ADGRL3: variants seen among roughly 807,000 people sequenced by gnomAD.
The protein encoded by ADGRL3 is adhesion G protein-coupled receptor L3.
ADGRL3 carries 62 observed loss-of-function variants against 153.5 expected under a neutral mutation model. The observed-to-expected ratio is 0.40, with a 90% confidence interval of 0.33 to 0.50. The LOEUF is 0.50. ADGRL3 is among the 20% of genes least tolerant of loss of function. The pLI, the probability that ADGRL3 is intolerant of heterozygous loss-of-function variation, is 0.47. For missense variants in ADGRL3, 1,641 were observed against 1,859.4 expected (o/e 0.88, Z 2.16); for synonymous variants, 710 against 672.5 (o/e 1.06, Z -0.86).
chr4:61,582,420 T>C (rs533126290), intron 4 of ADGRL3, among the ~76,000 whole-genome samples: 7 of 152,126 alleles, frequency 4.6e-5, no homozygotes, highest in African/African-American at 1.4e-4. Context: ...CTCCCACTTA[T>C]AAGTGAAAAC....
intron 8 of ADGRL3, among the ~76,000 whole-genome samples, chr4:61,781,273 C>A (rs996793042): frequency 2.0e-5 from 3 of 149,098 alleles, no homozygotes; most frequent in African/African-American, 7.6e-5. Context: ...TTGCAGTGAG[C>A]CGAGATCGTG....
chr4:62,049,185 T>A (rs968491059), intron 25 of ADGRL3, among the ~76,000 whole-genome samples: 4 of 152,134 alleles, frequency 2.6e-5, no homozygotes, highest in Admixed American at 1.3e-4. Context: ...CTCTTACCAA[T>A]ATGGATCTTT....
intron 2 of ADGRL3, among the ~76,000 whole-genome samples, chr4:61,471,702 TC>T (rs1032135183): frequency 6.6e-6 from 1 of 152,012 alleles, no homozygotes; most frequent in Non-Finnish European, 1.5e-5. Flanking sequence ...ATTTCTATTT[TC>T]TCAGTTTCTG....
intron 25 of ADGRL3, among the ~76,000 whole-genome samples, chr4:62,052,566 T>C (rs1734795084): frequency 6.6e-6 from 1 of 151,540 alleles, no homozygotes; most frequent in Non-Finnish European, 1.5e-5. Flanking sequence ...AATTATTATA[T>C]ATTATTGTCC....
intron 4 of ADGRL3, among the ~76,000 whole-genome samples, chr4:61,530,301 T>C (rs754199303): frequency 4.0e-5 from 6 of 151,890 alleles, no homozygotes; most frequent in Non-Finnish European, 7.4e-5. Flanking sequence ...TGTCAAGAGG[T>C]ACAACTATAT....
chr4:61,340,780 T>A (rs2095791913), intron 1 of ADGRL3, among the ~76,000 whole-genome samples: 1 of 151,756 alleles, frequency 6.6e-6, no homozygotes, highest in Admixed American at 6.6e-5. Flanking sequence ...GCCAATGGAT[T>A]TTGATCTAGG....
At chr4:61,375,223 A>G (rs1358111608) in intron 1 of ADGRL3, among the ~76,000 whole-genome samples, 1 of 152,062 alleles carries the variant, frequency 6.6e-6, no homozygotes, top group African/African-American at 2.4e-5. Context: ...TTCTTAGGCT[A>G]TTTTTCCTTG....
intron 1 of ADGRL3, among the ~76,000 whole-genome samples, chr4:61,369,832 G>C (rs1270607602): frequency 6.6e-6 from 1 of 152,080 alleles, no homozygotes; most frequent in Admixed American, 6.5e-5. Context: ...ACCTCTGGTA[G>C]AATTCGGCTG....
chr4:61,688,923 C>G (rs2095493125), intron 6 of ADGRL3, among the ~76,000 whole-genome samples: 1 of 152,100 alleles, frequency 6.6e-6, no homozygotes. Flanking sequence ...CAGGTGATAG[C>G]TAAAATACAT....
chr4:61,853,758 A>G (rs1300914789), intron 9 of ADGRL3, among the ~76,000 whole-genome samples: 1 of 152,200 alleles, frequency 6.6e-6, no homozygotes, highest in Non-Finnish European at 1.5e-5. Flanking sequence ...GGTTCCTAAT[A>G]TTCGAGATTT....
intron 4 of ADGRL3, among the ~76,000 whole-genome samples, chr4:61,560,887 T>G (rs1027349274): frequency 6.6e-6 from 1 of 152,140 alleles, no homozygotes; most frequent in South Asian, 2.1e-4. Context: ...ATTCTCTGAT[T>G]TGTTTAAGGT....
chr4:61,474,899 G>A (rs560777716), intron 2 of ADGRL3, among the ~76,000 whole-genome samples: 1 of 151,900 alleles, frequency 6.6e-6, no homozygotes, highest in Non-Finnish European at 1.5e-5. Flanking sequence ...TGAAGTTGCC[G>A]GTTAAATTAA....
intron 9 of ADGRL3, among the ~76,000 whole-genome samples, chr4:61,839,784 C>A (rs532771936): frequency 1.3e-5 from 2 of 148,494 alleles, no homozygotes; most frequent in Non-Finnish European, 1.5e-5. Context: ...CCCCTCCCCC[C>A]GAAAAAAAAA....
chr4:61,671,439 G>A (rs1301523590), intron 5 of ADGRL3, among the ~76,000 whole-genome samples: 1 of 152,122 alleles, frequency 6.6e-6, no homozygotes, highest in Admixed American at 6.5e-5. Context: ...ATAGCTAATA[G>A]AACTCAACAA....
chr4:61,419,796 ATT>A (rs200189725), intron 2 of ADGRL3, among the ~76,000 whole-genome samples: 4,671 of 143,712 alleles, frequency 0.033, 224 homozygotes, highest in East Asian at 0.21. Flanking sequence ...ACATATTTAG[ATT>A]TTTTTTTTTT....
chr4:61,387,019 C>T (rs916378863), intron 2 of ADGRL3, among the ~76,000 whole-genome samples: 32 of 152,236 alleles, frequency 2.1e-4, no homozygotes, highest in Admixed American at 1.9e-3. Flanking sequence ...CCAATAATCA[C>T]GTAGGTTCTT....
intron 6 of ADGRL3, among the ~76,000 whole-genome samples, chr4:61,679,597 C>T (rs61350038): frequency 0.027 from 4,100 of 152,004 alleles, 124 homozygotes; most frequent in East Asian, 0.12. Flanking sequence ...AACCACATGC[C>T]ATTTTCTACA....
chr4:62,010,436 C>T (rs1230565624), intron 21 of ADGRL3, among the ~76,000 whole-genome samples: 1 of 152,034 alleles, frequency 6.6e-6, no homozygotes, highest in East Asian at 1.9e-4. Flanking sequence ...TTTATTACAC[C>T]ATTTCACTCT....
chr4:61,895,363 G>T (rs2098623042), intron 10 of ADGRL3, among the ~76,000 whole-genome samples: 1 of 152,064 alleles, frequency 6.6e-6, no homozygotes, highest in South Asian at 2.1e-4. Context: ...CTACTTGGGA[G>T]GCTGAGGCAG....
Sources: allele counts gnomAD v4.1 joint callset (sites outside exome capture counted in the v4.1 genomes callset), GRCh38; gene constraint gnomAD v4.1.1; transcripts MANE v1.5; gene names NCBI Gene and HGNC (gene_info 2026-07-23, HGNC 2026-07-21).